Variants in CLSTN2 observed in about 807,000 individuals in gnomAD.
CLSTN2 encodes the protein calsyntenin 2, also known as calsyntenin-2.
CLSTN2 carries 48 observed loss-of-function variants against 101.2 expected under a neutral mutation model. The observed-to-expected ratio is 0.47, with a 90% confidence interval of 0.38 to 0.60. The LOEUF is 0.60. Among genes scored for constraint, CLSTN2 ranks in the 20% least tolerant of loss-of-function variants. CLSTN2 has a pLI of 0.00. For synonymous variants in CLSTN2, 481 were observed against 463.6 expected, an observed-to-expected ratio of 1.04 and a Z score of -0.48; for missense variants, 1,160 against 1,238.2, an observed-to-expected ratio of 0.94 and a Z score of 0.95.
At chr3:140,232,268 G>A (rs897708030) in intron 2 of CLSTN2, among the ~76,000 whole-genome samples, 21 of 152,162 alleles carry the variant, frequency 1.4e-4, no homozygotes, top group Non-Finnish European at 4.4e-5. Context: ...CAGTTCCCTT[G>A]TCTGTAAAAT....
chr3:140,387,334 T>C (rs1004552186), intron 2 of CLSTN2, among the ~76,000 whole-genome samples: 1 of 152,124 alleles, frequency 6.6e-6, no homozygotes, highest in African/African-American at 2.4e-5. Context: ...AAGAGAGAAT[T>C]CTCTGTTAGT....
chr3:140,136,123 G>A (rs937205558), intron 1 of CLSTN2, among the ~76,000 whole-genome samples: 14 of 152,164 alleles, frequency 9.2e-5, no homozygotes, highest in African/African-American at 3.4e-4. Context: ...AAATGATTTG[G>A]ATGGATAGCA....
intron 4 of CLSTN2, among the ~76,000 whole-genome samples, chr3:140,418,532 T>TG (rs1203124191): frequency 7.4e-6 from 1 of 135,038 alleles, no homozygotes; most frequent in Non-Finnish European, 1.5e-5. Flanking sequence ...TTTTTTTTTT[T>TG]TCTGAGACGG....
chr3:139,956,423 G>A (rs1440124997), intron 1 of CLSTN2, among the ~76,000 whole-genome samples: 3 of 152,182 alleles, frequency 2.0e-5, no homozygotes, highest in Non-Finnish European at 4.4e-5. Flanking sequence ...GCCCAGCATG[G>A]TGGTTGTCTT....
At chr3:140,054,624 G>A (rs116372258) in intron 1 of CLSTN2, among the ~76,000 whole-genome samples, 173 of 152,274 alleles carry the variant, frequency 1.1e-3, no homozygotes, top group Non-Finnish European at 1.7e-3. Flanking sequence ...CTAGCCAAGT[G>A]AGGAGACAAG....
At chr3:140,114,993 A>G (rs933738211) in intron 1 of CLSTN2, among the ~76,000 whole-genome samples, 5 of 152,144 alleles carry the variant, frequency 3.3e-5, no homozygotes, top group African/African-American at 7.2e-5. Context: ...AGCTCTCTTC[A>G]GTACCTGTGT....
chr3:140,325,790 A>G (rs1202926680), intron 2 of CLSTN2, among the ~76,000 whole-genome samples: 3 of 152,180 alleles, frequency 2.0e-5, no homozygotes, highest in Non-Finnish European at 2.9e-5. Context: ...CATTCGGGAC[A>G]AATACAGAAT....
chr3:140,256,442 A>G (rs2086605252), intron 2 of CLSTN2, among the ~76,000 whole-genome samples: 1 of 152,186 alleles, frequency 6.6e-6, no homozygotes, highest in African/African-American at 2.4e-5. Context: ...TGAGGTTTAT[A>G]AAAGGAATAT....
intron 7 of CLSTN2, among the ~76,000 whole-genome samples, chr3:140,462,513 T>C (rs1933587576): frequency 6.6e-6 from 1 of 152,254 alleles, no homozygotes; most frequent in South Asian, 2.1e-4. Flanking sequence ...GTCAAATTGC[T>C]CTTCATGAAG....
intron 1 of CLSTN2, among the ~76,000 whole-genome samples, chr3:140,109,161 G>A (rs987536652): frequency 6.6e-6 from 1 of 152,138 alleles, no homozygotes; most frequent in Non-Finnish European, 1.5e-5. Context: ...ACATGGAAAC[G>A]TCTTATTTTT....
chr3:140,080,425 AC>A (rs1468290878), intron 1 of CLSTN2, among the ~76,000 whole-genome samples: 4 of 152,206 alleles, frequency 2.6e-5, no homozygotes, highest in African/African-American at 9.6e-5. Flanking sequence ...ATGTTTGAAG[AC>A]AGCATCTAGG....
chr3:140,338,761 C>T (rs181150873), intron 2 of CLSTN2, among the ~76,000 whole-genome samples: 95 of 152,266 alleles, frequency 6.2e-4, no homozygotes, highest in Non-Finnish European at 1.0e-3. Context: ...ATCTTGGAGA[C>T]CAGAAGGGGA....
chr3:140,261,840 C>T (rs1018203400), intron 2 of CLSTN2, among the ~76,000 whole-genome samples: 3 of 152,172 alleles, frequency 2.0e-5, no homozygotes, highest in Non-Finnish European at 4.4e-5. Context: ...AGTAGGAGAC[C>T]TGGTTCCTAA....
At chr3:140,086,617 TG>T (rs1222555585) in intron 1 of CLSTN2, among the ~76,000 whole-genome samples, 1 of 152,212 alleles carries the variant, frequency 6.6e-6, no homozygotes, top group East Asian at 1.9e-4. Flanking sequence ...TTATTTATCA[TG>T]TATACACTCA....
intron 5 of CLSTN2, among the ~76,000 whole-genome samples, chr3:140,436,507 C>G (rs1321620661): frequency 6.6e-6 from 1 of 152,208 alleles, no homozygotes; most frequent in Non-Finnish European, 1.5e-5. Flanking sequence ...ACATAATAAC[C>G]AGAGTTCACC....
chr3:139,995,118 C>T (rs1019159447), intron 1 of CLSTN2, among the ~76,000 whole-genome samples: 2 of 152,170 alleles, frequency 1.3e-5, no homozygotes, highest in Non-Finnish European at 2.9e-5. Context: ...GCCATGCCCA[C>T]GGGTCTTCTT....
chr3:140,374,948 C>T (rs1197905765), intron 2 of CLSTN2, among the ~76,000 whole-genome samples: 3 of 152,208 alleles, frequency 2.0e-5, no homozygotes, highest in Non-Finnish European at 4.4e-5. Context: ...CAGCTTAAAG[C>T]CTTTGCATTT....
At chr3:140,118,613 G>A (rs2009285055) in intron 1 of CLSTN2, among the ~76,000 whole-genome samples, 1 of 152,140 alleles carries the variant, frequency 6.6e-6, no homozygotes, top group Admixed American at 6.5e-5. Context: ...ACAGAATCAG[G>A]TAGAAAGACT....
intron 2 of CLSTN2, among the ~76,000 whole-genome samples, chr3:140,228,021 C>G (rs756132043): frequency 6.6e-6 from 1 of 152,216 alleles, no homozygotes; most frequent in Non-Finnish European, 1.5e-5. Flanking sequence ...CATTTCCCCC[C>G]TTGTCTTGGG....
Sources: allele counts gnomAD v4.1 joint callset (sites outside exome capture counted in the v4.1 genomes callset), GRCh38; gene constraint gnomAD v4.1.1; transcripts MANE v1.5; gene names NCBI Gene and HGNC (gene_info 2026-07-23, HGNC 2026-07-21).